The following CCSER1 variants were observed in gnomAD, a reference collection of about 807,000 sequenced individuals.
The protein encoded by CCSER1 is serine-rich coiled-coil domain-containing protein 1.
Under a neutral mutation model 82.0 loss-of-function variants are expected in CCSER1, and 41 were observed. The ratio of observed to expected loss-of-function variants is 0.50; its 90% CI spans 0.39 to 0.65. The LOEUF (loss-of-function observed/expected upper bound fraction) is 0.65. CCSER1 is among the 30% of genes least tolerant of loss of function. The probability of loss-of-function intolerance (pLI) is 0.00; values close to 1 mark genes in which losing one functional copy is unlikely to be tolerated. For missense variants in CCSER1, 1,119 were observed against 1,064.2 expected (o/e 1.05, Z -0.72); for synonymous variants, 414 against 383.9 (o/e 1.08, Z -0.92).
At chr4:90,293,139 AAT>A (rs1464670030) in intron 1 of CCSER1, among the ~76,000 whole-genome samples, 1 of 151,872 alleles carries the variant, frequency 6.6e-6, no homozygotes, top group African/African-American at 2.4e-5. Flanking sequence ...CTTTTACACT[AAT>A]ATGTTTTCTA....
chr4:91,113,586 C>A (rs969897261), intron 10 of CCSER1, among the ~76,000 whole-genome samples: 20 of 152,062 alleles, frequency 1.3e-4, no homozygotes, highest in African/African-American at 4.6e-4. Flanking sequence ...CTCTGGCCTC[C>A]GTATGATAAA....
At chr4:91,024,321 G>A (rs1391692031) in intron 9 of CCSER1, among the ~76,000 whole-genome samples, 1 of 152,054 alleles carries the variant, frequency 6.6e-6, no homozygotes, top group Non-Finnish European at 1.5e-5. Context: ...GTCTGTTGAA[G>A]CTAATAACAA....
chr4:90,902,911 G>A (rs1459161311), intron 8 of CCSER1, among the ~76,000 whole-genome samples: 2 of 151,920 alleles, frequency 1.3e-5, no homozygotes, highest in African/African-American at 4.8e-5. Flanking sequence ...TGGTGCACTA[G>A]CTCCTTGTCC....
At chr4:90,880,038 G>A (rs981688493) in intron 8 of CCSER1, among the ~76,000 whole-genome samples, 2 of 152,118 alleles carry the variant, frequency 1.3e-5, no homozygotes, top group Non-Finnish European at 2.9e-5. Flanking sequence ...TCCAGTAGGT[G>A]GCACTTAGGC....
intron 5 of CCSER1, among the ~76,000 whole-genome samples, chr4:90,543,682 C>G (rs1776387113): frequency 6.6e-6 from 1 of 152,108 alleles, no homozygotes; most frequent in African/African-American, 2.4e-5. Context: ...GTTTCTGTAT[C>G]TCACAAGAAT....
intron 10 of CCSER1, among the ~76,000 whole-genome samples, chr4:91,182,004 C>A (rs771580665): frequency 2.4e-4 from 36 of 152,186 alleles, no homozygotes; most frequent in Non-Finnish European, 1.6e-4. Flanking sequence ...TAACCGCTGT[C>A]ATAGCTACCA....
intron 4 of CCSER1, among the ~76,000 whole-genome samples, chr4:90,452,125 G>A (rs1224066688): frequency 6.6e-6 from 1 of 152,084 alleles, no homozygotes; most frequent in Non-Finnish European, 1.5e-5. Context: ...GGTGACTATT[G>A]CATACCCTGC....
chr4:91,519,743 T>TCC (rs1234974302), intron 10 of CCSER1, among the ~76,000 whole-genome samples: 1 of 152,210 alleles, frequency 6.6e-6, no homozygotes, highest in Non-Finnish European at 1.5e-5. Flanking sequence ...TCTGTGCCAC[T>TCC]CCTGGGTGTG....
intron 1 of CCSER1, among the ~76,000 whole-genome samples, chr4:90,287,700 A>C (rs540684735): frequency 1.3e-5 from 2 of 152,076 alleles, no homozygotes; most frequent in African/African-American, 4.8e-5. Flanking sequence ...CATGTCCCCC[A>C]AAATTTCCAA....
chr4:90,182,362 G>A (rs1434113295), intron 1 of CCSER1, among the ~76,000 whole-genome samples: 2 of 152,110 alleles, frequency 1.3e-5, no homozygotes, highest in Non-Finnish European at 2.9e-5. Flanking sequence ...TTTCTAGGAA[G>A]CAAAATTGGT....
At chr4:90,410,464 A>G (rs1353880660) in intron 4 of CCSER1, among the ~76,000 whole-genome samples, 1 of 152,252 alleles carries the variant, frequency 6.6e-6, no homozygotes, top group Non-Finnish European at 1.5e-5. Context: ...ACTAGAACTC[A>G]GCACTAAGAA....
chr4:91,113,049 G>A (rs1219084255), intron 10 of CCSER1, among the ~76,000 whole-genome samples: 1 of 152,174 alleles, frequency 6.6e-6, no homozygotes, highest in Non-Finnish European at 1.5e-5. Flanking sequence ...TGGCATATTT[G>A]CACTTGTTAT....
At position 91,523,411 on chromosome 4, in the gene CCSER1, CTCTTTT is replaced by C. The variant is rs1461727213; in HGVS notation, c.2218-75157_2218-75152del. ...CATAAAATGAGTTAGGGAGGATTCC[CTCTTTT>C]TCTGTTGACTGGCATAGTTTCAGAA... is the stretch of plus-strand genomic sequence containing the variant. On this transcript the variant is annotated intron_variant, in intron 10 of 10. Coordinates refer to ENST00000509176, the MANE Select transcript of CCSER1 (RefSeq NM_001145065.2). Among the ~76,000 whole-genome samples, 6 of 152,158 alleles carry C rather than the reference CTCTTTT, an allele frequency of 3.9e-5. No homozygotes were observed. The East Asian group carries it at 1.2e-3, about 29-fold the overall frequency.
chr4:90,271,863 T>TATATATATC (rs61116868), intron 1 of CCSER1, among the ~76,000 whole-genome samples: 1 of 19,794 alleles, frequency 5.1e-5, no homozygotes, highest in Non-Finnish European at 7.7e-5. Flanking sequence ...TATATATATA[T>TATATATATC]TTTTTTTTTT....
At chr4:91,555,279 C>A (rs1041460542) in intron 10 of CCSER1, among the ~76,000 whole-genome samples, 3 of 151,076 alleles carry the variant, frequency 2.0e-5, no homozygotes, top group Non-Finnish European at 3.0e-5. Flanking sequence ...TTTCTATGTG[C>A]ATTCATTTCT....
intron 3 of CCSER1, among the ~76,000 whole-genome samples, chr4:90,334,975 G>A (rs1359764934): frequency 6.6e-6 from 1 of 152,108 alleles, no homozygotes; most frequent in East Asian, 1.9e-4. Flanking sequence ...GGTGACAAAA[G>A]GTAACAGGAA....
chr4:91,373,933 T>TA (rs1453792195), intron 10 of CCSER1, among the ~76,000 whole-genome samples: 1 of 152,150 alleles, frequency 6.6e-6, no homozygotes. Context: ...GTGGTCTGGA[T>TA]AAAAAATCAA....
intron 1 of CCSER1, among the ~76,000 whole-genome samples, chr4:90,253,237 A>G (rs925816059): frequency 6.6e-6 from 1 of 152,118 alleles, no homozygotes; most frequent in African/African-American, 2.4e-5. Context: ...TAAGAAAAGG[A>G]ATGGAAAGAA....
intron 10 of CCSER1, among the ~76,000 whole-genome samples, chr4:91,414,716 C>G (rs1753252663): frequency 6.6e-6 from 1 of 151,994 alleles, no homozygotes; most frequent in Admixed American, 6.6e-5. Flanking sequence ...AGCAAAATGA[C>G]TGAAAAACAA....
Sources: gnomAD v4.1 joint callset for allele counts (sites outside exome capture counted in the v4.1 genomes callset) on GRCh38, gnomAD v4.1.1 for gene constraint, MANE v1.5 for transcripts, NCBI Gene and HGNC (gene_info 2026-07-23, HGNC 2026-07-21) for gene names.